NRG2: variants seen among roughly 807,000 people sequenced by gnomAD.
NRG2 encodes pro-neuregulin-2, membrane-bound isoform.
Under a neutral mutation model 73.9 loss-of-function variants are expected in NRG2, and 27 were observed. The ratio of observed to expected loss-of-function variants is 0.37; its 90% CI spans 0.27 to 0.50. The LOEUF (loss-of-function observed/expected upper bound fraction) is 0.50, where lower values mean the gene tolerates loss of function less well. NRG2 is among the 20% of genes least tolerant of loss of function. The pLI, the probability that NRG2 is intolerant of heterozygous loss-of-function variation, is 0.96. For missense variants in NRG2, 1,126 were observed against 1,210.1 expected (o/e 0.93, Z 1.03); for synonymous variants, 532 against 541.0 (o/e 0.98, Z 0.23).
chr5:140,002,214 A>G (rs901765891), intron 1 of NRG2, among the ~76,000 whole-genome samples: 1 of 152,208 alleles, frequency 6.6e-6, no homozygotes, highest in East Asian at 1.9e-4. Context: ...AATAAATATT[A>G]GAGCTGTGAC....
At chr5:140,010,735 C>T (rs1759299229) in intron 1 of NRG2, among the ~76,000 whole-genome samples, 1 of 152,108 alleles carries the variant, frequency 6.6e-6, no homozygotes, top group Non-Finnish European at 1.5e-5. Flanking sequence ...GGACTGAGTC[C>T]CCCTCCCATC....
intron 1 of NRG2, among the ~76,000 whole-genome samples, chr5:139,964,567 C>T (rs1357329407): frequency 1.3e-5 from 2 of 152,228 alleles, no homozygotes; most frequent in South Asian, 4.1e-4. Flanking sequence ...GCCCTTTCTA[C>T]TAGGCACAAA....
chr5:140,029,229 G>T (rs541126230), intron 1 of NRG2, among the ~76,000 whole-genome samples: 3 of 152,270 alleles, frequency 2.0e-5, no homozygotes, highest in African/African-American at 7.2e-5. Flanking sequence ...GGTAGAAACT[G>T]GGACTCAAAA....
At chr5:140,031,504 T>C (rs1168843605) in intron 1 of NRG2, among the ~76,000 whole-genome samples, 2 of 152,118 alleles carry the variant, frequency 1.3e-5, no homozygotes, top group South Asian at 2.1e-4. Flanking sequence ...TCACTATTTT[T>C]CCCCTAAAAT....
intron 1 of NRG2, among the ~76,000 whole-genome samples, chr5:139,918,412 G>A (rs993693576): frequency 6.6e-6 from 1 of 152,180 alleles, no homozygotes; most frequent in Non-Finnish European, 1.5e-5. Context: ...AAAAACTAAA[G>A]ATGACAGCAC....
At chr5:139,943,468 G>T (rs1435562729) in intron 1 of NRG2, among the ~76,000 whole-genome samples, 7 of 152,126 alleles carry the variant, frequency 4.6e-5, no homozygotes, top group Admixed American at 4.6e-4. Context: ...TTTTTGTGAA[G>T]AAATTGTGCT....
intron 1 of NRG2, among the ~76,000 whole-genome samples, chr5:139,906,307 A>C (rs1765225023): frequency 6.6e-6 from 1 of 151,866 alleles, no homozygotes; most frequent in African/African-American, 2.4e-5. Flanking sequence ...CGCCCGGCCC[A>C]GACTGAGCTT....
intron 1 of NRG2, among the ~76,000 whole-genome samples, chr5:139,912,074 C>G (rs984581300): frequency 3.3e-5 from 5 of 152,082 alleles, no homozygotes; most frequent in African/African-American, 1.2e-4. Context: ...AATGAGTGGC[C>G]CACCCTCTTG....
chr5:139,981,950 C>T (rs976016726), intron 1 of NRG2, among the ~76,000 whole-genome samples: 6 of 152,086 alleles, frequency 3.9e-5, no homozygotes, highest in Non-Finnish European at 5.9e-5. Flanking sequence ...CTAGGGGTGG[C>T]GCTGGAGAAA....
At chr5:139,984,233 T>A (rs1351603127) in intron 1 of NRG2, among the ~76,000 whole-genome samples, 1 of 152,164 alleles carries the variant, frequency 6.6e-6, no homozygotes, top group East Asian at 1.9e-4. Context: ...TATGAAATAT[T>A]TGGAAGCAAC....
intron 1 of NRG2, among the ~76,000 whole-genome samples, chr5:139,926,409 G>A (rs185485572): frequency 1.5e-4 from 23 of 152,250 alleles, no homozygotes; most frequent in Non-Finnish European, 2.8e-4. Flanking sequence ...ACACATGGTC[G>A]TGCTCAGTGG....
At chr5:139,920,493 A>G (rs1751578579) in intron 1 of NRG2, among the ~76,000 whole-genome samples, 1 of 151,862 alleles carries the variant, frequency 6.6e-6, no homozygotes, top group Non-Finnish European at 1.5e-5. Flanking sequence ...AAGGCTTCCC[A>G]GTATAAATAA....
At chr5:139,859,755 G>C in intron 5 of NRG2, 1 of 878,500 alleles carries the variant, frequency 1.1e-6, no homozygotes, top group Non-Finnish European at 1.8e-6. Context: ...ATCTCGATGG[G>C]GCCAGGAGAG....
At chr5:139,994,959 G>A (rs563660514) in intron 1 of NRG2, among the ~76,000 whole-genome samples, 2 of 152,292 alleles carry the variant, frequency 1.3e-5, no homozygotes, top group South Asian at 4.1e-4. Context: ...GGGAGGTTGG[G>A]TCAAAATGTG....
chr5:140,025,358 G>C, intron 1 of NRG2, among the ~76,000 whole-genome samples: 1 of 152,146 alleles, frequency 6.6e-6, no homozygotes, highest in East Asian at 1.9e-4. Flanking sequence ...TTCTGAACCA[G>C]CTTTCCAGGC....
At chr5:139,994,908 A>G (rs1385652718) in intron 1 of NRG2, among the ~76,000 whole-genome samples, 1 of 152,164 alleles carries the variant, frequency 6.6e-6, no homozygotes, top group Non-Finnish European at 1.5e-5. Context: ...GATGAACTAC[A>G]AGGGTTTTAA....
In NRG2 at chr5:139,959,392, T is replaced by C. The variant is rs1754893355; in HGVS notation, c.701-71881A>G. 2.0e-5 allele frequency among the ~76,000 whole-genome samples: 3 copies of C among 152,066 alleles called. No individual in the cohort carries two copies. In the South Asian group the frequency reaches 6.2e-4, roughly 32 times the overall value. On this transcript the variant is annotated intron_variant, in intron 1 of 9. Coordinates refer to ENST00000361474, the MANE Select transcript of NRG2 (RefSeq NM_004883.3). ...TTTTGTTTGTTTGTTTGTTTGTTTT[T>C]TGAGATGGAGTTTTATTCTTCCCGC...
At position 140,043,083 on chromosome 5, in the gene NRG2, T is replaced by A; in HGVS notation, c.-14A>T. The stretch of plus-strand genomic sequence containing the variant: ...AACCTGCCGCATCTGGCCAGGCCAT[T>A]TGGGGGGCTCCGCCGCTCAGCCGCC... On this transcript the variant is annotated 5_prime_UTR_variant, in exon 1 of 10. Transcript: ENST00000361474. This position sits in a 1 kb window ranked among gnomAD's most constrained non-coding sequence, Gnocchi z 6.7. 3 of 1,570,572 alleles carry A rather than the reference T, an allele frequency of 1.9e-6. No individual in the cohort carries two copies. Among genetic ancestry groups the A allele is most frequent in the Non-Finnish European group, 2.6e-6 (3 of 1,167,460 alleles).
Position 139,855,667 on chromosome 5 carries a change from G to A in NRG2, c.1292+9C>T, listed in dbSNP as rs755513699. On this transcript the variant is annotated intron_variant, in intron 6 of 9. Coordinates refer to ENST00000361474, the MANE Select transcript of NRG2 (RefSeq NM_004883.3). ...TGGCCTGTCCCCAGCTTGAGTGACT[G>A]ACACTCACTTGGTCTTGCAGTAGGC... 9.3e-6 allele frequency: 15 copies of A among 1,611,040 alleles called. No homozygotes were observed. In the East Asian group the frequency reaches 3.3e-4, roughly 36 times the overall value.
Sources: gnomAD v4.1 joint callset for allele counts (sites outside exome capture counted in the v4.1 genomes callset) on GRCh38, gnomAD v4.1.1 for gene constraint, Gnocchi (gnomAD v3.1) non-coding constraint, MANE v1.5 for transcripts, NCBI Gene and HGNC (gene_info 2026-07-23, HGNC 2026-07-21) for gene names.